Variants in LAMA3 observed in about 807,000 individuals in gnomAD.
LAMA3 encodes laminin subunit alpha-3.
In LAMA3, 281 loss-of-function variants were observed where a neutral mutation model predicts 402.0. The observed-to-expected ratio is 0.70, with a 90% CI of 0.63 to 0.77. LAMA3 has a LOEUF of 0.77. Ranked by LOEUF, LAMA3 falls within the 30% of genes least tolerant of loss-of-function variation. LAMA3 has a pLI of 0.00. For missense variants in LAMA3, 3,840 were observed against 4,215.5 expected (o/e 0.91, Z 2.47); for synonymous variants, 1,431 against 1,558.4 (o/e 0.92, Z 1.93).
In LAMA3 at chr18:23,756,831, A is replaced by G. The variant is rs533630643; in HGVS notation, c.948-1565A>G. Among the ~76,000 whole-genome samples the G allele has an allele frequency of 1.8e-4, 28 of 152,102 alleles. No homozygotes were observed. The South Asian group carries it at 5.6e-3, about 31-fold the overall frequency. On this transcript the variant is annotated intron_variant, in intron 6 of 74. Transcript: ENST00000313654. ...AGGGAGCCCTGGATGGGGCGCCTGC[A>G]CCCAGTCCTTCCCCAACCACGTGGC...
intron 2 of LAMA3, among the ~76,000 whole-genome samples, chr18:23,723,142 T>C (rs1034231060): frequency 2.0e-5 from 3 of 152,164 alleles, no homozygotes; most frequent in African/African-American, 7.2e-5. Flanking sequence ...ATAAACACAT[T>C]CACACGAAAG....
At chr18:23,905,686 G>C (rs756766345) in intron 52 of LAMA3, 62 bp downstream of exon 52, 359 of 907,238 alleles carry the variant, frequency 4.0e-4, no homozygotes, top group Middle Eastern at 2.0e-3. Flanking sequence ...TCTGGGACCA[G>C]GTGGGGCAGC....
chr18:23,735,046 A>G (rs1177309393), intron 2 of LAMA3, among the ~76,000 whole-genome samples: 1 of 152,246 alleles, frequency 6.6e-6, no homozygotes, highest in Non-Finnish European at 1.5e-5. Context: ...TTAGCTAACA[A>G]GAGTGAGTTA....
chr18:23,726,859 C>T (rs1451031684), intron 2 of LAMA3, among the ~76,000 whole-genome samples: 1 of 152,192 alleles, frequency 6.6e-6, no homozygotes, highest in Non-Finnish European at 1.5e-5. Context: ...CTCAAGTGAT[C>T]TGCCTGCCTC....
Position 23,733,000 on chromosome 18 carries a change from A to G in LAMA3, c.448-14943A>G, listed in dbSNP as rs528768385. Among the ~76,000 whole-genome samples, 7 of 152,048 alleles carry G rather than the reference A, an allele frequency of 4.6e-5. No homozygotes were observed. The South Asian group carries it at 1.2e-3, about 27-fold the overall frequency. On this transcript the variant is annotated intron_variant, in intron 2 of 74. Transcript: ENST00000313654. ...TTGACTTTTACTTGCTACTGCAATCACCTGCCCACTTATCCTCTCTTGACC... is the reference window on the plus strand; with the variant it reads ...TTGACTTTTACTTGCTACTGCAATCGCCTGCCCACTTATCCTCTCTTGACC...
chr18:23,894,153 A>G (rs2080793365), intron 42 of LAMA3, 145 bp from the exon 43 acceptor site: 1 of 684,924 alleles, frequency 1.5e-6, no homozygotes, highest in Non-Finnish European at 2.6e-6. Context: ...GGGTTTTGCC[A>G]TTACTTAAAA....
At chr18:23,841,533 G>T (rs113272448) in intron 27 of LAMA3, among the ~76,000 whole-genome samples, 5 of 152,288 alleles carry the variant, frequency 3.3e-5, no homozygotes, top group African/African-American at 1.2e-4. Flanking sequence ...GGAGGGAGCT[G>T]GGAGCCCCTG....
chr18:23,695,002 T>C (rs1259944456), intron 1 of LAMA3, among the ~76,000 whole-genome samples: 1 of 152,210 alleles, frequency 6.6e-6, no homozygotes. Flanking sequence ...AGCAACACCC[T>C]GATGGAATTG....
At chr18:23,930,940 A>G in intron 64 of LAMA3, 122 bp from the exon 65 acceptor site, 1 of 934,640 alleles carries the variant, frequency 1.1e-6, no homozygotes, top group Non-Finnish European at 1.7e-6. Flanking sequence ...AGCAAACTCA[A>G]AGCATTTGGG....
chr18:23,930,370 T>C (rs1258243868), intron 64 of LAMA3, among the ~76,000 whole-genome samples: 2 of 152,186 alleles, frequency 1.3e-5, no homozygotes, highest in Non-Finnish European at 2.9e-5. Flanking sequence ...ATATTAAAAA[T>C]TGAGGAATCG....
At chr18:23,932,394 G>A in intron 66 of LAMA3, 103 bp downstream of exon 66, 2 of 1,245,588 alleles carry the variant, frequency 1.6e-6, no homozygotes, top group Non-Finnish European at 2.3e-6. Flanking sequence ...AACATGTGCT[G>A]CACGAGACCC....
chr18:23,949,153 C>T (rs141989711), intron 70 of LAMA3, among the ~76,000 whole-genome samples: 5 of 152,304 alleles, frequency 3.3e-5, no homozygotes, highest in Admixed American at 6.5e-5. Flanking sequence ...TGGGGCTCCA[C>T]GCAAGCCCAC....
chr18:23,743,267 TA>T (rs1443796410), intron 2 of LAMA3, among the ~76,000 whole-genome samples: 3 of 152,202 alleles, frequency 2.0e-5, no homozygotes, highest in Admixed American at 2.0e-4. Context: ...TGGAGTCACA[TA>T]GCCAGTGGGT....
intron 2 of LAMA3, among the ~76,000 whole-genome samples, chr18:23,729,297 G>A (rs149380509): frequency 8.9e-4 from 136 of 152,158 alleles, no homozygotes; most frequent in African/African-American, 3.2e-3. Context: ...TGTATACTTC[G>A]TGTATGAATG....
intron 47 of LAMA3, 104 bp downstream of exon 47, chr18:23,899,559 T>C: frequency 8.5e-7 from 1 of 1,174,870 alleles, no homozygotes; most frequent in Non-Finnish European, 1.2e-6. Flanking sequence ...GAAGGCCTCA[T>C]GGTTTCAGCG....
intron 67 of LAMA3, among the ~76,000 whole-genome samples, chr18:23,935,148 C>T (rs2082275458): frequency 6.6e-6 from 1 of 152,210 alleles, no homozygotes; most frequent in African/African-American, 2.4e-5. Context: ...ATAGAATACA[C>T]ATGACTCAGA....
intron 74 of LAMA3, 39 bp from the exon 75 acceptor site, chr18:23,954,464 T>C (rs1568387530): frequency 5.7e-6 from 9 of 1,571,290 alleles, no homozygotes; most frequent in Non-Finnish European, 7.9e-6. Context: ...CTGGACAGTA[T>C]GAATTATTTA....
In LAMA3 at chr18:23,907,627, C is replaced by A. The variant is rs368603738; in HGVS notation, c.6796C>A (p.Leu2266Ile). ...TCAGAAAGAAGTGATAGACACCAAT[C>A]TCACAACTCTCCGAGATGGTCTTCA... ...TVQKEVIDTN[L>I]TTLRDGLHGI... is the part of the protein sequence containing the mutation. Residue 2266 changes from leucine to isoleucine, a missense_variant, in exon 53 of 75, where the codon CTC (leucine) becomes ATC (isoleucine). Physicochemically the swap from Leu to Ile is conservative, Grantham distance 5. Around this residue, in one of 3 missense-constraint regions of LAMA3, gnomAD observed 891 missense variants for 857.5 expected, o/e 1.04. Transcript: ENST00000313654. 8.1e-6 allele frequency: 13 copies of A among 1,613,878 alleles called. No homozygotes were observed. The South Asian group carries it at 1.3e-4, about 16-fold the overall frequency.
At chr18:23,831,678 C>T (rs989839670) in intron 23 of LAMA3, among the ~76,000 whole-genome samples, 48 of 152,288 alleles carry the variant, frequency 3.2e-4, no homozygotes, top group African/African-American at 1.1e-3. Context: ...TGTCTTGCTT[C>T]CCATTGTATA....
Sources: gnomAD v4.1 joint callset for allele counts (sites outside exome capture counted in the v4.1 genomes callset) on GRCh38, gnomAD v4.1.1 for gene constraint, gnomAD v4.1.1 regional missense constraint, MANE v1.5 for transcripts, NCBI Gene and HGNC (gene_info 2026-07-23, HGNC 2026-07-21) for gene names.